NELL2: variants seen among roughly 807,000 people sequenced by gnomAD.
The protein encoded by NELL2 is neural EGFL like 2.
Under a neutral mutation model 109.6 loss-of-function variants are expected in NELL2, and 41 were observed. The observed-to-expected ratio is 0.37, with a 90% CI of 0.29 to 0.49. NELL2 has a LOEUF of 0.49. Among genes scored for constraint, NELL2 ranks in the 20% least tolerant of loss-of-function variants. The pLI is 0.98. For synonymous variants in NELL2, 355 were observed against 344.7 expected (o/e 1.03, Z -0.33); for missense variants, 900 against 1,008.3 (o/e 0.89, Z 1.45).
chr12:44,579,488 C>G (rs1369068833), intron 15 of NELL2, among the ~76,000 whole-genome samples: 1 of 152,174 alleles, frequency 6.6e-6, no homozygotes, highest in Non-Finnish European at 1.5e-5. Context: ...ACCTTCGAGA[C>G]AGTGGAAGTA....
intron 3 of NELL2, among the ~76,000 whole-genome samples, chr12:44,799,124 A>C (rs1346739449): frequency 6.6e-6 from 1 of 151,518 alleles, no homozygotes; most frequent in East Asian, 1.9e-4. Flanking sequence ...ATGCCTGGCT[A>C]ATTTTTTATA....
intron 9 of NELL2, among the ~76,000 whole-genome samples, chr12:44,720,094 T>A (rs993061624): frequency 6.6e-6 from 1 of 152,174 alleles, no homozygotes; most frequent in African/African-American, 2.4e-5. Flanking sequence ...AATAAAAGTA[T>A]TGAGCACTAA....
rs2136590874 is a variant in NELL2 at position 44,777,026 on chromosome 12, C to T, written c.762+16G>A. On this transcript the variant is annotated intron_variant, in intron 7 of 19. Coordinates refer to ENST00000429094, the MANE Select transcript of NELL2 (RefSeq NM_001145108.2). ...GATTTTTAAGCTTCCACACTGTATT[C>T]TTGAGTAGCTTTTACCTTGGCTGAT... 1.2e-6 allele frequency: 2 copies of T among 1,611,358 alleles called. No individual in the cohort carries two copies. Among genetic ancestry groups the T allele is most frequent in the Non-Finnish European group, 1.7e-6 (2 of 1,177,588 alleles).
chr12:44,626,271 T>C (rs1418814064), intron 13 of NELL2, among the ~76,000 whole-genome samples: 1 of 152,184 alleles, frequency 6.6e-6, no homozygotes, highest in Non-Finnish European at 1.5e-5. Context: ...CCCTGCAATG[T>C]AGTCATCTTC....
intron 18 of NELL2, among the ~76,000 whole-genome samples, chr12:44,520,792 G>T (rs1941490287): frequency 6.6e-6 from 1 of 151,904 alleles, no homozygotes; most frequent in African/African-American, 2.4e-5. Context: ...TTCCACACAG[G>T]AAAATTGTGT....
At chr12:44,651,445 C>T (rs572936669) in intron 13 of NELL2, among the ~76,000 whole-genome samples, 4 of 152,168 alleles carry the variant, frequency 2.6e-5, no homozygotes, top group East Asian at 1.9e-4. Context: ...AATTAAACTT[C>T]TAGATTTTAA....
chr12:44,587,284 A>AAAAAAAAAATATAT, intron 15 of NELL2, among the ~76,000 whole-genome samples: 61 of 72,186 alleles, frequency 8.5e-4, no homozygotes, highest in Middle Eastern at 9.3e-3. Context: ...AAAAAAAAAA[A>AAAAAAAAAATATAT]ATATATATAT....
At chr12:44,586,722 T>G (rs1201569150) in intron 15 of NELL2, among the ~76,000 whole-genome samples, 1 of 152,202 alleles carries the variant, frequency 6.6e-6, no homozygotes, top group Non-Finnish European at 1.5e-5. Context: ...AGTAGTTAGC[T>G]TTTTTCCCAT....
chr12:44,741,264 T>C (rs1210127683), intron 9 of NELL2, among the ~76,000 whole-genome samples: 2 of 152,226 alleles, frequency 1.3e-5, no homozygotes, highest in Admixed American at 6.5e-5. Flanking sequence ...AAGCTAAAAC[T>C]TAAAACTTTT....
chr12:44,679,804 T>C (rs1225281531), intron 12 of NELL2, among the ~76,000 whole-genome samples: 1 of 152,124 alleles, frequency 6.6e-6, no homozygotes, highest in African/African-American at 2.4e-5. Flanking sequence ...CCAATCTAAA[T>C]TGGAGTCACA....
At chr12:44,566,266 G>C (rs10785505) in intron 15 of NELL2, among the ~76,000 whole-genome samples, 26,316 of 152,034 alleles carry the variant, frequency 0.17, 2,696 homozygotes, top group South Asian at 0.33. Flanking sequence ...TATTTTTAGA[G>C]AGTAGATGCC....
intron 13 of NELL2, among the ~76,000 whole-genome samples, chr12:44,614,529 A>G (rs1945749089): frequency 1.3e-5 from 2 of 152,042 alleles, no homozygotes; most frequent in Non-Finnish European, 1.5e-5. Flanking sequence ...GGCACAATAT[A>G]GTAAAGTTCG....
intron 9 of NELL2, among the ~76,000 whole-genome samples, chr12:44,715,701 A>T (rs1259898232): frequency 6.6e-6 from 1 of 152,110 alleles, no homozygotes. Context: ...CTACCCCAAG[A>T]TAATTATTTC....
At chr12:44,800,991 T>C (rs1362529313) in intron 3 of NELL2, among the ~76,000 whole-genome samples, 1 of 152,148 alleles carries the variant, frequency 6.6e-6, no homozygotes, top group East Asian at 1.9e-4. Flanking sequence ...GCAACAGGAT[T>C]CATAGGCCAC....
At chr12:44,509,044 T>A in intron 19 of NELL2, 60 bp from the exon 20 acceptor site, 1 of 1,355,428 alleles carries the variant, frequency 7.4e-7, no homozygotes, top group Non-Finnish European at 1.1e-6. Flanking sequence ...TAGTAAATGA[T>A]CACATTTATT....
intron 13 of NELL2, among the ~76,000 whole-genome samples, chr12:44,626,436 C>T (rs1469309939): frequency 6.6e-6 from 1 of 152,184 alleles, no homozygotes; most frequent in Non-Finnish European, 1.5e-5. Flanking sequence ...AGGACACCTC[C>T]TTAGACACGC....
chr12:44,513,913 T>C (rs1166526145), intron 19 of NELL2, among the ~76,000 whole-genome samples: 3 of 140,534 alleles, frequency 2.1e-5, no homozygotes, highest in Non-Finnish European at 4.6e-5. Flanking sequence ...TCAACTTAGA[T>C]ATCCAAAAAG....
At chr12:44,711,227 G>T in intron 11 of NELL2, 65 bp downstream of exon 11, 2 of 1,147,922 alleles carry the variant, frequency 1.7e-6, no homozygotes, top group Non-Finnish European at 2.6e-6. Context: ...TCTACTTCAT[G>T]TCAGTTGTAC....
chr12:44,839,300 T>C (rs1944149933), intron 2 of NELL2, among the ~76,000 whole-genome samples: 1 of 152,174 alleles, frequency 6.6e-6, no homozygotes, highest in Non-Finnish European at 1.5e-5. Context: ...AATCAGTCTA[T>C]ATTTATATCT....
Sources: gnomAD v4.1 joint callset for allele counts (sites outside exome capture counted in the v4.1 genomes callset) on GRCh38, gnomAD v4.1.1 for gene constraint, MANE v1.5 for transcripts, NCBI Gene and HGNC (gene_info 2026-07-23, HGNC 2026-07-21) for gene names.